Variants in ERAP1 observed in about 807,000 individuals in gnomAD.
ERAP1 encodes the protein endoplasmic reticulum aminopeptidase 1.
Under a neutral mutation model 103.7 loss-of-function variants are expected in ERAP1, and 86 were observed. That is an observed-to-expected ratio of 0.83 (90% CI 0.70 to 0.99). The LOEUF (loss-of-function observed/expected upper bound fraction) is 0.99, where lower values mean the gene tolerates loss of function less well. Among genes scored for constraint, ERAP1 ranks in the 50% least tolerant of loss-of-function variants. The pLI, the probability that ERAP1 is intolerant of heterozygous loss-of-function variation, is 0.00. For synonymous variants in ERAP1, 398 were observed against 402.4 expected, an observed-to-expected ratio of 0.99 and a Z score of 0.13; for missense variants, 1,009 against 1,128.4, an observed-to-expected ratio of 0.89 and a Z score of 1.52.
chr5:96,859,576 C>T, the ERAP1 span, among the ~76,000 whole-genome samples: 3 of 152,068 alleles, frequency 2.0e-5, no homozygotes, highest in East Asian at 1.9e-4. Context: ...GGGGAATGCC[C>T]AGGACAGAGC....
chr5:96,769,388 T>C (rs973116368), intron 19 of ERAP1: 31 of 134,962 alleles, frequency 2.3e-4, no homozygotes, highest in African/African-American at 7.0e-4. Flanking sequence ...AAAACAGGGT[T>C]TTTTTTTGTT....
At chr5:96,825,053 AAATT>A in the ERAP1 span, among the ~76,000 whole-genome samples, 5 of 152,134 alleles carry the variant, frequency 3.3e-5, no homozygotes, top group South Asian at 2.1e-4. Flanking sequence ...AAAAATAAAT[AAATT>A]AATTAATTAA....
the ERAP1 span, among the ~76,000 whole-genome samples, chr5:96,930,791 A>G: frequency 6.6e-6 from 1 of 152,230 alleles, no homozygotes; most frequent in Non-Finnish European, 1.5e-5. Context: ...TTGGGCTGTC[A>G]ATGCAATAGA....
In ERAP1 at chr5:96,786,071, A is replaced by G. The variant is rs1055081314; in HGVS notation, c.1760-100T>C. ...CAAGGAAATTAGAGAAGAGTTTAAT[A>G]CTGAAAAATTTGAAAACATCACTTA... is the stretch of plus-strand genomic sequence containing the variant. On this transcript the variant is annotated intron_variant, in intron 12 of 18. Transcript: ENST00000443439. The G allele has an allele frequency of 2.6e-5, 30 of 1,170,276 alleles. No homozygotes were observed. The African/African-American group carries it at 3.8e-4, about 15-fold the overall frequency. The allele number at this position is 1,170,276 out of a possible 1,614,324, so 72.5% of individuals were successfully genotyped here. A position where few individuals can be genotyped will look rare whatever the true frequency, so the allele number is the denominator to read the frequency against.
the ERAP1 span, chr5:96,873,692 A>G: frequency 6.7e-5 from 22 of 327,370 alleles, no homozygotes; most frequent in Admixed American, 3.2e-4. Context: ...AACAAAAAAC[A>G]AAAACAAAAA....
chr5:96,785,261 C>T (rs1300059423), intron 13 of ERAP1: 3 of 163,414 alleles, frequency 1.8e-5, no homozygotes, highest in African/African-American at 7.2e-5. Flanking sequence ...GGTTGGGCTA[C>T]ATTTTATGAG....
the ERAP1 span, among the ~76,000 whole-genome samples, chr5:96,878,364 A>G: frequency 1.3e-5 from 2 of 151,284 alleles, no homozygotes; most frequent in African/African-American, 4.9e-5. Flanking sequence ...GGCCATTCAG[A>G]TAATGTTATT....
At chr5:96,783,310 C>T (rs1775490328) in intron 14 of ERAP1, 75 bp from the exon 15 acceptor site, 2 of 1,375,630 alleles carry the variant, frequency 1.5e-6, no homozygotes, top group Non-Finnish European at 1.0e-6. Flanking sequence ...CCATTATGGT[C>T]TCAGATGATG....
Position 96,792,111 on chromosome 5 carries a change from C to G in ERAP1, c.1270G>C (p.Glu424Gln), listed in dbSNP as rs1473543051. ...NSSHPVSTPV[E>Q]NPAQIREMFD... Reference sequence around the variant, plus strand: ...ATCTCCCGGATCTGAGCAGGATTTTCCACAGGTGTAGACACAGGGTGTGAG... The same window carrying G: ...ATCTCCCGGATCTGAGCAGGATTTTGCACAGGTGTAGACACAGGGTGTGAG... The change falls in exon 8 of 19, where the codon GAA (glutamate) becomes CAA (glutamine). Residue 424 changes from glutamate (E) to glutamine (Q), a missense_variant. By Grantham distance (29) the Glu-to-Gln change is conservative (BLOSUM62 2). Transcript: ENST00000443439. The G allele has an allele frequency of 1.2e-6, 2 of 1,614,080 alleles. No individual in the cohort carries two copies. The highest frequency in any genetic ancestry group is 2.2e-5 in the South Asian group (2 of 91,080).
At chr5:96,925,915 T>TC in the ERAP1 span, among the ~76,000 whole-genome samples, 1 of 145,936 alleles carries the variant, frequency 6.9e-6, no homozygotes, top group African/African-American at 2.5e-5. Context: ...AATTTGCTTT[T>TC]TTTTTTTTTT....
chr5:96,864,927 C>T, the ERAP1 span, among the ~76,000 whole-genome samples: 1 of 151,826 alleles, frequency 6.6e-6, no homozygotes, highest in Non-Finnish European at 1.5e-5. Flanking sequence ...TACAGAAATG[C>T]AAATATGAGC....
intron 18 of ERAP1, among the ~76,000 whole-genome samples, chr5:96,780,113 C>T (rs1774937090): frequency 6.6e-6 from 1 of 152,206 alleles, no homozygotes; most frequent in Non-Finnish European, 1.5e-5. Context: ...CCACTTCAGT[C>T]ATTTATACCT....
chr5:96,908,102 T>C, the ERAP1 span, among the ~76,000 whole-genome samples: 4 of 152,220 alleles, frequency 2.6e-5, no homozygotes, highest in Non-Finnish European at 4.4e-5. Flanking sequence ...TTAAAACATG[T>C]ATAAGCCCAG....
the ERAP1 span, among the ~76,000 whole-genome samples, chr5:96,817,636 G>A: frequency 2.6e-5 from 4 of 152,222 alleles, no homozygotes; most frequent in East Asian, 1.9e-4. Flanking sequence ...GAAACAAATC[G>A]CAAAACCACA....
the ERAP1 span, among the ~76,000 whole-genome samples, chr5:96,867,848 C>T: frequency 1.1e-4 from 17 of 152,010 alleles, no homozygotes; most frequent in East Asian, 1.5e-3. Flanking sequence ...CTGAGGCAGG[C>T]GGATTACCTG....
At chr5:96,900,026 G>C in the ERAP1 span, 1 of 1,376,804 alleles carries the variant, frequency 7.3e-7, no homozygotes, top group African/African-American at 1.4e-5. Flanking sequence ...ATTTCATATA[G>C]CTCTTTTAAT....
In ERAP1 at chr5:96,776,252, T is replaced by G; in HGVS notation, c.*144A>C. On this transcript the variant is annotated 3_prime_UTR_variant, in exon 19 of 19. Transcript: ENST00000443439. ...CCATTCATGAAAAACTAACAGCTAT[T>G]CTTTTCACAGGGATAGTCAAAAAAT... The G allele has an allele frequency of 8.9e-7, 1 of 1,122,548 alleles. No individual in the cohort carries two copies. Among genetic ancestry groups the G allele is most frequent in the Non-Finnish European group, 1.2e-6 (1 of 801,692 alleles). 69.5% of individuals were successfully genotyped at this position (1,122,548 alleles called of 1,614,324 possible).
the ERAP1 span, among the ~76,000 whole-genome samples, chr5:96,836,791 G>A: frequency 6.6e-6 from 1 of 152,056 alleles, no homozygotes; most frequent in East Asian, 1.9e-4. Flanking sequence ...TTGAAAAGCA[G>A]GCCTCATTCT....
At chr5:96,844,494 C>A in the ERAP1 span, among the ~76,000 whole-genome samples, 4 of 152,060 alleles carry the variant, frequency 2.6e-5, no homozygotes. Flanking sequence ...TTGATATGTG[C>A]AATTAAAAGA....
Sources: allele counts gnomAD v4.1 joint callset (sites outside exome capture counted in the v4.1 genomes callset), GRCh38; gene constraint gnomAD v4.1.1; transcripts MANE v1.5; gene names NCBI Gene and HGNC (gene_info 2026-07-23, HGNC 2026-07-21).